The following SH2D4B variants were observed in gnomAD, a reference collection of about 807,000 sequenced individuals.
SH2D4B encodes SH2 domain-containing protein 4B.
SH2D4B carries 45 observed loss-of-function variants against 61.5 expected under a neutral mutation model. That is an observed-to-expected ratio of 0.73 (90% CI 0.58 to 0.94). The LOEUF is 0.94. Ranked by LOEUF, SH2D4B falls within the 40% of genes least tolerant of loss-of-function variation. The pLI, the probability that SH2D4B is intolerant of heterozygous loss-of-function variation, is 0.00. For missense variants in SH2D4B, 572 were observed against 574.2 expected, an observed-to-expected ratio of 1.00 and a Z score of 0.04; for synonymous variants, 224 against 220.4, an observed-to-expected ratio of 1.02 and a Z score of -0.14.
chr10:80,638,727 CA>C (rs1214491847), intron 7 of SH2D4B, among the ~76,000 whole-genome samples: 1 of 152,140 alleles, frequency 6.6e-6, no homozygotes, highest in Non-Finnish European at 1.5e-5. Flanking sequence ...TCGATCTTTT[CA>C]AAAAACCAGC....
intron 3 of SH2D4B, among the ~76,000 whole-genome samples, chr10:80,576,416 A>G (rs1169178601): frequency 1.3e-5 from 2 of 152,244 alleles, no homozygotes; most frequent in Non-Finnish European, 2.9e-5. Flanking sequence ...TTCATTTTGA[A>G]GAGCCTCAGA....
chr10:80,566,078 G>A (rs1345100025), intron 1 of SH2D4B, among the ~76,000 whole-genome samples: 4 of 98,564 alleles, frequency 4.1e-5, no homozygotes, highest in Non-Finnish European at 7.1e-5. Context: ...GTGACAGAGC[G>A]AGACTCCGGC....
intron 5 of SH2D4B, among the ~76,000 whole-genome samples, chr10:80,605,815 G>A (rs907083711): frequency 2.0e-5 from 3 of 152,160 alleles, no homozygotes; most frequent in Non-Finnish European, 4.4e-5. Flanking sequence ...CACCACACCC[G>A]ACCTCTTTTA....
intron 1 of SH2D4B, among the ~76,000 whole-genome samples, chr10:80,568,627 G>A (rs1361444897): frequency 6.6e-6 from 1 of 152,146 alleles, no homozygotes; most frequent in Non-Finnish European, 1.5e-5. Context: ...CACCTTAGAA[G>A]TTTTCCTGTG....
intron 6 of SH2D4B, among the ~76,000 whole-genome samples, chr10:80,631,700 G>T (rs1263252891): frequency 1.3e-5 from 2 of 152,158 alleles, no homozygotes; most frequent in African/African-American, 2.4e-5. Flanking sequence ...AAATAAGTCA[G>T]GCACAGAAAG....
intron 3 of SH2D4B, 77 bp downstream of exon 3, chr10:80,571,655 G>C (rs1236563325): frequency 2.6e-6 from 4 of 1,561,978 alleles, no homozygotes; most frequent in Non-Finnish European, 3.5e-6. Flanking sequence ...CTCTGGTTTG[G>C]ATCAATCCTT....
chr10:80,549,550 A>G (rs942256020), intron 1 of SH2D4B, among the ~76,000 whole-genome samples: 4 of 152,220 alleles, frequency 2.6e-5, no homozygotes, highest in African/African-American at 9.6e-5. Flanking sequence ...GTCTTTACTG[A>G]AACCACCTCC....
At chr10:80,619,933 C>T (rs1054861585) in intron 6 of SH2D4B, among the ~76,000 whole-genome samples, 3 of 152,242 alleles carry the variant, frequency 2.0e-5, no homozygotes, top group African/African-American at 7.2e-5. Context: ...TTACCCTCCA[C>T]ATCAGGCTTC....
chr10:80,611,528 C>G (rs898590726), intron 6 of SH2D4B, among the ~76,000 whole-genome samples: 1 of 152,206 alleles, frequency 6.6e-6, no homozygotes, highest in Non-Finnish European at 1.5e-5. Flanking sequence ...TTCTCTGCCT[C>G]TCCCTTCTGT....
At chr10:80,615,995 G>C (rs1055110073) in intron 6 of SH2D4B, among the ~76,000 whole-genome samples, 1 of 152,128 alleles carries the variant, frequency 6.6e-6, no homozygotes, top group African/African-American at 2.4e-5. Flanking sequence ...ACCGAGGCAC[G>C]TGCAAGGTGG....
chr10:80,571,107 T>C (rs1016544184), intron 2 of SH2D4B, among the ~76,000 whole-genome samples: 2 of 152,152 alleles, frequency 1.3e-5, no homozygotes, highest in Non-Finnish European at 2.9e-5. Context: ...ACTCCTGGCC[T>C]CAAGCGATCC....
intron 3 of SH2D4B, among the ~76,000 whole-genome samples, chr10:80,572,964 A>T (rs367562851): frequency 4.8e-4 from 3 of 6,308 alleles, no homozygotes; most frequent in African/African-American, 7.7e-4. Flanking sequence ...ATATATATAT[A>T]TATATATATA....
chr10:80,619,138 A>G (rs553966720), intron 6 of SH2D4B, among the ~76,000 whole-genome samples: 2 of 152,278 alleles, frequency 1.3e-5, no homozygotes, highest in East Asian at 3.9e-4. Flanking sequence ...ATTTGTGCTC[A>G]GGGTGTAGTA....
intron 6 of SH2D4B, among the ~76,000 whole-genome samples, chr10:80,617,838 C>T (rs535930824): frequency 9.2e-5 from 14 of 152,340 alleles, no homozygotes; most frequent in African/African-American, 3.4e-4. Context: ...CCTGCATTCT[C>T]CCAGGCTCAA....
chr10:80,593,251 G>T (rs949907017), intron 4 of SH2D4B, among the ~76,000 whole-genome samples: 3 of 152,128 alleles, frequency 2.0e-5, no homozygotes, highest in Non-Finnish European at 2.9e-5. Context: ...CTGGAATTTT[G>T]ATAGTGATTA....
intron 6 of SH2D4B, among the ~76,000 whole-genome samples, chr10:80,628,991 C>T (rs7899216): frequency 0.074 from 11,065 of 149,552 alleles, 676 homozygotes; most frequent in African/African-American, 0.17. Context: ...GATCGTGTCA[C>T]TGCACCCCAG....
Position 80,571,502 on chromosome 10 carries a change from CGGA to C in SH2D4B, c.421_423del (p.Glu141del), listed in dbSNP as rs757448826. ...GCCAATGAGAAAGCCCGGATCTTGG[CGGA>C]GAAGTGGAAAGTGGAGATGGAAGAC... is the stretch of plus-strand genomic sequence containing the variant. On this transcript the variant is annotated inframe_deletion, in exon 3 of 8. Transcript: ENST00000646907. The C allele has an allele frequency of 1.2e-6, 2 of 1,614,086 alleles. No homozygotes were observed. Among genetic ancestry groups the C allele is most frequent in the South Asian group, 2.2e-5 (2 of 91,076 alleles).
At chr10:80,552,149 G>A (rs1185674543) in intron 1 of SH2D4B, among the ~76,000 whole-genome samples, 1 of 152,198 alleles carries the variant, frequency 6.6e-6, no homozygotes, top group African/African-American at 2.4e-5. Flanking sequence ...TTCAATGTAT[G>A]AATTGCAGGG....
chr10:80,571,573 T>C lies in SH2D4B; in HGVS notation c.490T>C (p.Phe164Leu), dbSNP rs1305374713. 3.1e-6 allele frequency: 5 copies of C among 1,613,638 alleles called. No homozygotes were observed. The highest frequency in any genetic ancestry group is 3.4e-6 in the Non-Finnish European group (4 of 1,179,928). Reference protein sequence around the residue: ...KVLEERIHEEFKRKEEEERKR... With the variant: ...KVLEERIHEELKRKEEEERKR... The stretch of plus-strand genomic sequence containing the variant: ...CCTGGAGGAACGCATCCACGAGGAA[T>C]TCAAGGTGGGCCAGCGCATGGGGCC... Residue 164 changes from phenylalanine to leucine, a missense_variant, in exon 3 of 8, where the codon TTC becomes CTC. Phe to Leu is a conservative substitution (Grantham distance 22, BLOSUM62 0). Transcript: ENST00000646907.
Sources: gnomAD v4.1 joint callset for allele counts (sites outside exome capture counted in the v4.1 genomes callset) on GRCh38, gnomAD v4.1.1 for gene constraint, MANE v1.5 for transcripts, NCBI Gene and HGNC (gene_info 2026-07-23, HGNC 2026-07-21) for gene names.